GLG1: variants seen among roughly 807,000 people sequenced by gnomAD.
GLG1 encodes the protein golgi glycoprotein 1, also known as Golgi apparatus protein 1.
A neutral mutation model predicts 160.5 loss-of-function variants in GLG1; 38 were observed. The ratio of observed to expected loss-of-function variants is 0.24; its 90% CI spans 0.18 to 0.31. GLG1 has a LOEUF of 0.31. GLG1 is among the 10% of genes least tolerant of loss of function. The probability of loss-of-function intolerance (pLI) is 1.00; values close to 1 mark genes in which losing one functional copy is unlikely to be tolerated. For missense variants in GLG1, 1,373 were observed against 1,505.2 expected, an observed-to-expected ratio of 0.91 and a Z score of 1.45; for synonymous variants, 644 against 543.4, an observed-to-expected ratio of 1.19 and a Z score of -2.57.
At chr16:74,552,513 G>A (rs1256734061) in intron 1 of GLG1, 1 of 421,516 alleles carries the variant, frequency 2.4e-6, no homozygotes, top group Non-Finnish European at 4.8e-6. Context: ...TCTGCCCCGT[G>A]AGACTGTGCC....
chr16:74,508,936 G>T lies in GLG1; in HGVS notation c.472-11C>A. The T allele has an allele frequency of 9.0e-7, 1 of 1,116,896 alleles. No homozygotes were observed. The highest frequency in any genetic ancestry group is 1.3e-6 in the Non-Finnish European group (1 of 746,540). The allele number at this position is 1,116,896 out of a possible 1,614,324, so 69.2% of individuals were successfully genotyped here. A position where few individuals can be genotyped will look rare whatever the true frequency, so the allele number is the denominator to read the frequency against. On this transcript the variant is annotated splice_polypyrimidine_tract_variant and intron_variant, in intron 2 of 25. Transcript: ENST00000422840. ...ATAATTCCACAACAACTAGATAGGA[G>T]AGGAAAAAAAAAAACAAAGAAAAAC...
intron 6 of GLG1, among the ~76,000 whole-genome samples, chr16:74,493,468 C>T (rs1025055925): frequency 6.6e-6 from 1 of 152,160 alleles, no homozygotes; most frequent in Non-Finnish European, 1.5e-5. Flanking sequence ...TTTAACAATA[C>T]CCCGAACATA....
At chr16:74,479,458 A>C (rs928216914) in intron 11 of GLG1, among the ~76,000 whole-genome samples, 12 of 152,042 alleles carry the variant, frequency 7.9e-5, no homozygotes, top group East Asian at 5.8e-4. Flanking sequence ...AAAAAAAAAA[A>C]AAAACAAATT....
chr16:74,563,088 T>C (rs1183368091), intron 1 of GLG1: 3 of 152,240 alleles, frequency 2.0e-5, no homozygotes, highest in African/African-American at 7.2e-5. Context: ...AACTTCTCTG[T>C]CATCATGAGA....
chr16:74,473,434 G>C (rs1191190674), intron 13 of GLG1, among the ~76,000 whole-genome samples: 1 of 100,140 alleles, frequency 1.0e-5, no homozygotes, highest in Non-Finnish European at 1.9e-5. Context: ...GGATGGTCTT[G>C]ACCTTTTTTT....
At chr16:74,494,662 C>T (rs1451655488) in intron 6 of GLG1, 98 bp downstream of exon 6, 1 of 578,058 alleles carries the variant, frequency 1.7e-6, no homozygotes, top group Non-Finnish European at 3.2e-6. Flanking sequence ...GCCTCAGCCT[C>T]CCAAAGTGCT....
chr16:74,483,816 C>T (rs2015692361), intron 9 of GLG1, among the ~76,000 whole-genome samples: 1 of 151,990 alleles, frequency 6.6e-6, no homozygotes, highest in African/African-American at 2.4e-5. Context: ...CACCACCACG[C>T]CCGGCTAATT....
chr16:74,521,416 T>C (rs985397973), intron 2 of GLG1, among the ~76,000 whole-genome samples: 1 of 152,162 alleles, frequency 6.6e-6, no homozygotes, highest in African/African-American at 2.4e-5. Flanking sequence ...AGAGACATGA[T>C]GATGACTTGT....
chr16:74,501,076 A>G (rs902452561), intron 4 of GLG1, among the ~76,000 whole-genome samples: 11 of 152,242 alleles, frequency 7.2e-5, no homozygotes, highest in African/African-American at 2.7e-4. Flanking sequence ...TGAAACTGAC[A>G]AGCCTGTTGT....
intron 1 of GLG1, among the ~76,000 whole-genome samples, chr16:74,554,711 T>C (rs1311105034): frequency 2.0e-5 from 3 of 152,158 alleles, no homozygotes; most frequent in Non-Finnish European, 4.4e-5. Context: ...TGAATAAAAT[T>C]ACATTTTGGT....
At chr16:74,482,886 G>T in intron 10 of GLG1, 137 bp downstream of exon 10, 2 of 640,454 alleles carry the variant, frequency 3.1e-6, no homozygotes, top group Non-Finnish European at 5.5e-6. Context: ...AGTTTTTCAG[G>T]GGATTGGAGT....
intron 1 of GLG1, among the ~76,000 whole-genome samples, chr16:74,575,669 G>A (rs2018981776): frequency 6.6e-6 from 1 of 152,096 alleles, no homozygotes; most frequent in Non-Finnish European, 1.5e-5. Context: ...CACAATCTCA[G>A]CTCACTGCAA....
At chr16:74,498,409 G>A (rs1295327608) in intron 4 of GLG1, among the ~76,000 whole-genome samples, 1 of 61,188 alleles carries the variant, frequency 1.6e-5, no homozygotes, top group African/African-American at 5.6e-5. Context: ...TCCAGACTGG[G>A]AGGTGCAGTG....
At chr16:74,538,270 T>A (rs913619193) in intron 1 of GLG1, among the ~76,000 whole-genome samples, 3 of 150,880 alleles carry the variant, frequency 2.0e-5, no homozygotes, top group African/African-American at 7.3e-5. Context: ...TCCTTTCAAT[T>A]GGAGACACTC....
At chr16:74,575,597 TTTTG>T (rs1412461353) in intron 1 of GLG1, among the ~76,000 whole-genome samples, 14 of 152,088 alleles carry the variant, frequency 9.2e-5, no homozygotes, top group South Asian at 2.1e-4. Context: ...CTCGCTCTGT[TTTTG>T]TTTGTTTGTT....
chr16:74,604,101 A>G (rs141223375), intron 1 of GLG1, among the ~76,000 whole-genome samples: 99 of 152,292 alleles, frequency 6.5e-4, no homozygotes, highest in Admixed American at 2.2e-3. Flanking sequence ...GGCTTCAGTG[A>G]ACTCTCAAAC....
intron 8 of GLG1, among the ~76,000 whole-genome samples, chr16:74,488,869 T>C (rs913358594): frequency 6.6e-6 from 1 of 152,142 alleles, no homozygotes; most frequent in African/African-American, 2.4e-5. Flanking sequence ...TCTGCCTGCC[T>C]TGGCCTCCCA....
At chr16:74,516,469 G>A (rs1170362776) in intron 2 of GLG1, among the ~76,000 whole-genome samples, 2 of 152,104 alleles carry the variant, frequency 1.3e-5, no homozygotes, top group Non-Finnish European at 2.9e-5. Flanking sequence ...GGTACATAAC[G>A]AAATGAAGGC....
intron 24 of GLG1, among the ~76,000 whole-genome samples, chr16:74,457,363 C>A (rs2014596088): frequency 6.6e-6 from 1 of 152,128 alleles, no homozygotes; most frequent in East Asian, 1.9e-4. Flanking sequence ...TGCCACCACA[C>A]TCCAGCCTGG....
Sources: allele counts gnomAD v4.1 joint callset (sites outside exome capture counted in the v4.1 genomes callset), GRCh38; gene constraint gnomAD v4.1.1; transcripts MANE v1.5; gene names NCBI Gene and HGNC (gene_info 2026-07-23, HGNC 2026-07-21).